The following FAM90A1 variants were observed in gnomAD, a reference collection of about 807,000 sequenced individuals.
FAM90A1 encodes the protein protein FAM90A1.
A neutral mutation model predicts 14.8 loss-of-function variants in FAM90A1; 10 were observed. That is an observed-to-expected ratio of 0.67 (90% CI 0.42 to 1.14). The LOEUF (loss-of-function observed/expected upper bound fraction) is 1.14. Among genes scored for constraint, FAM90A1 ranks in the 50% most tolerant of loss-of-function variants. FAM90A1 has a pLI of 0.00. For missense variants in FAM90A1, 567 were observed against 602.8 expected (o/e 0.94, Z 0.62); for synonymous variants, 236 against 248.4 (o/e 0.95, Z 0.47).
Position 8,221,550 on chromosome 12 carries a change from T to C in FAM90A1, c.*272A>G, listed in dbSNP as rs1219832846. 2.4e-5 allele frequency: 13 copies of C among 536,584 alleles called. No individual in the cohort carries two copies. The highest frequency in any genetic ancestry group is 1.7e-5 in the Non-Finnish European group (5 of 300,812). 33.2% of individuals were successfully genotyped at this position (536,584 alleles called of 1,614,324 possible). A position where few individuals can be genotyped will look rare whatever the true frequency, so the allele number is the denominator to read the frequency against. The stretch of plus-strand genomic sequence containing the variant: ...GTCTGACTCCTGCGCGTCATGCAGT[T>C]TCTGAGGCAACGAATCACTGGCACG... On this transcript the variant is annotated 3_prime_UTR_variant, in exon 7 of 7. Transcript: ENST00000538603.
rs1948817088 is a variant in FAM90A1, at chr12:8,221,364, G to A, written c.*458C>T. 3 of 264,688 alleles carry A rather than the reference G, an allele frequency of 1.1e-5. No individual in the cohort carries two copies. Among genetic ancestry groups the A allele is most frequent in the Admixed American group, 5.0e-5 (1 of 20,062 alleles). The allele number at this position is 264,688 out of a possible 1,614,324, so 16.4% of individuals were successfully genotyped here. A position where few individuals can be genotyped will look rare whatever the true frequency, so the allele number is the denominator to read the frequency against. On this transcript the variant is annotated 3_prime_UTR_variant, in exon 7 of 7. Coordinates refer to ENST00000538603, the MANE Select transcript of FAM90A1 (RefSeq NM_018088.3). ...GAGGCTGAGGAAAGACCCCGAGAGC[G>A]CTTTGCACAGCGCGCTTCCCAGCGT...
intron 3 of FAM90A1, among the ~76,000 whole-genome samples, chr12:8,225,350 A>G (rs1208928403): frequency 8.5e-5 from 13 of 152,218 alleles, no homozygotes. Context: ...TTGCCGTTTC[A>G]TTAGGCAACT....
In FAM90A1 at chr12:8,225,159, C is replaced by T. The variant is rs757663927; in HGVS notation, c.-56-271G>A. Among the ~76,000 whole-genome samples, 64 of 152,378 alleles carry T rather than the reference C, an allele frequency of 4.2e-4. 1 individual carries two copies. Among genetic ancestry groups the T allele is most frequent in the African/African-American group, 1.4e-3 (58 of 41,588 alleles). On this transcript the variant is annotated intron_variant, in intron 3 of 6. Coordinates refer to ENST00000538603, the MANE Select transcript of FAM90A1 (RefSeq NM_018088.3). ...TGAGCTTTCAACCCCAAACTAACAA[C>T]TGATTCTGGAGACTGGACTTAGGTC... is the stretch of plus-strand genomic sequence containing the variant.
intron 6 of FAM90A1, 90 bp downstream of exon 6, chr12:8,223,359 C>G (rs1279396947): frequency 1.3e-6 from 1 of 767,772 alleles, no homozygotes; most frequent in South Asian, 1.5e-5. Context: ...GAGGGGTTCC[C>G]CGATTCCCTC....
rs756156518 is a variant in FAM90A1 at position 8,222,068 on chromosome 12, C to T, written c.1149G>A (p.Ala383=). The T allele has an allele frequency of 6.2e-6, 10 of 1,607,104 alleles. No individual in the cohort carries two copies. In the East Asian group the frequency reaches 6.7e-5, roughly 11 times the overall value. ...AQACTMSHHP[A]ASHDGAQPLR... ...GAGGCTGGGCCCCATCATGGCTGGC[C>T]GCTGGGTGATGGGACATGGTGCAGG... The change falls in exon 7 of 7, where the codon GCG becomes GCA. Residue 383 remains alanine, a synonymous_variant. Transcript: ENST00000538603.
Position 8,227,454 on chromosome 12 carries a change from C to A in FAM90A1, c.-421+26G>T, listed in dbSNP as rs1379098187. On this transcript the variant is annotated intron_variant, in intron 1 of 6. Transcript: ENST00000538603. ...CAGAAGGCTGGGTCCACCCAGTGGG[C>A]GGTCGGGTGCCAGGCCAGTGCTTAC... The A allele has an allele frequency of 9.2e-6, 5 of 542,278 alleles. No individual in the cohort carries two copies. The South Asian group carries it at 1.1e-4, about 12-fold the overall frequency. The allele number at this position is 542,278 out of a possible 1,614,324, so 33.6% of individuals were successfully genotyped here.
Position 8,223,446 on chromosome 12 carries a change from C to T in FAM90A1, c.432+3G>A. ...AAGACCAGGGGCCCAGGGTGACCCTCACCCTCAGATAATCAGAAGATTCCG... is the reference window on the plus strand; with the variant it reads ...AAGACCAGGGGCCCAGGGTGACCCTTACCCTCAGATAATCAGAAGATTCCG... On this transcript the variant is annotated splice_donor_region_variant and intron_variant, in intron 6 of 6. Transcript: ENST00000538603. The T allele has an allele frequency of 1.3e-6, 2 of 1,594,372 alleles. No individual in the cohort carries two copies. Among genetic ancestry groups the T allele is most frequent in the Non-Finnish European group, 8.6e-7 (1 of 1,163,818 alleles).
chr12:8,222,137 G>C lies in FAM90A1; in HGVS notation c.1080C>G (p.Asp360Glu). ...AAGGTCTGCTGTGCGGAGGCTGCCGGTCGCCGCTAAGCACCTGGGCGGGTG... is the reference window on the plus strand; with the variant it reads ...AAGGTCTGCTGTGCGGAGGCTGCCGCTCGCCGCTAAGCACCTGGGCGGGTG... ...TRTPAQVLSG[D>E]RQPPHSRPCL... Residue 360 changes from aspartate (D) to glutamate (E), a missense_variant, in exon 7 of 7, where the codon GAC (aspartate) becomes GAG (glutamate). Transcript: ENST00000538603. 1.2e-6 allele frequency: 2 copies of C among 1,612,086 alleles called. No homozygotes were observed. The highest frequency in any genetic ancestry group is 1.7e-6 in the Non-Finnish European group (2 of 1,179,890).
Position 8,224,071 on chromosome 12 carries a change from CA to C in FAM90A1, c.267del (p.Glu90LysfsTer7). The C allele has an allele frequency of 1.2e-6, 2 of 1,612,102 alleles. No homozygotes were observed. The highest frequency in any genetic ancestry group is 1.7e-6 in the Non-Finnish European group (2 of 1,179,872). ...TTGTTCAAGGGCCCAGGGTTCGCTTCAACCTGGGGCTTCCATGGTTTCAGGT... is the reference window on the plus strand; with the variant it reads ...TTGTTCAAGGGCCCAGGGTTCGCTTCACCTGGGGCTTCCATGGTTTCAGGT... ...KENLKPWKPQ[V>X]EANPGPLNKD... On this transcript the variant is annotated frameshift_variant, in exon 5 of 7. Transcript: ENST00000538603. LOFTEE classifies it high-confidence loss of function.
chr12:8,221,775 C>A lies in FAM90A1; in HGVS notation c.*47G>T. The stretch of plus-strand genomic sequence containing the variant: ...GTGCTCCTCAGTCCCACAGTCCCCT[C>A]CAAGTCACGGGAGCTGGAGGCCAAG... On this transcript the variant is annotated 3_prime_UTR_variant, in exon 7 of 7. Transcript: ENST00000538603. 1 of 1,550,400 alleles carries A rather than the reference C, an allele frequency of 6.4e-7. No individual in the cohort carries two copies. The highest frequency in any genetic ancestry group is 1.1e-5 in the South Asian group (1 of 89,660).
chr12:8,225,674 A>T (rs781593194), intron 3 of FAM90A1, among the ~76,000 whole-genome samples, 162 bp downstream of exon 3: 20 of 152,172 alleles, frequency 1.3e-4, no homozygotes, highest in South Asian at 2.1e-4. Context: ...TGGAGACGGA[A>T]ATGCTTTCTC....
chr12:8,222,731 G>A lies in FAM90A1; in HGVS notation c.486C>T (p.Asp162=), dbSNP rs1295754692. The A allele has an allele frequency of 6.2e-7, 1 of 1,604,486 alleles. No homozygotes were observed. Among genetic ancestry groups the A allele is most frequent in the Non-Finnish European group, 8.5e-7 (1 of 1,179,784 alleles). ...TAGCTGAGCGATCAGAGAGGACAGG[G>A]TCCACACGCGGCCTCTTACTGGTTG... is the stretch of plus-strand genomic sequence containing the variant. ...VHTTSKRPRV[D]PVLSDRSATE... is the part of the protein sequence containing the mutation. The change falls in exon 7 of 7, where the codon GAC becomes GAT. Residue 162 remains aspartate (D), a synonymous_variant. Transcript: ENST00000538603.
chr12:8,224,053 A>G lies in FAM90A1; in HGVS notation c.286T>C (p.Leu96=), dbSNP rs760454630. Residue 96 remains leucine (L), a synonymous_variant, in exon 5 of 7, where the codon TTG becomes CTG. Coordinates refer to ENST00000538603, the MANE Select transcript of FAM90A1 (RefSeq NM_018088.3). ...TCCTTCTCTCCCTTATCCTTGTTCA[A>G]GGGCCCAGGGTTCGCTTCAACCTGG... ...KPQVEANPGP[L]NKDKGEKEER... 3 of 1,611,784 alleles carry G rather than the reference A, an allele frequency of 1.9e-6. No homozygotes were observed. Among genetic ancestry groups the G allele is most frequent in the Non-Finnish European group, 2.5e-6 (3 of 1,179,834 alleles).
intron 3 of FAM90A1, among the ~76,000 whole-genome samples, chr12:8,225,366 AC>A (rs1482445306): frequency 5.9e-5 from 9 of 152,188 alleles, no homozygotes; most frequent in Non-Finnish European, 1.2e-4. Context: ...CAACTTCCAA[AC>A]ACAAATTCAT....
In FAM90A1 at chr12:8,226,946, C is replaced by G. The variant is rs955094723; in HGVS notation, c.-420-468G>C. On this transcript the variant is annotated intron_variant, in intron 1 of 6. Coordinates refer to ENST00000538603, the MANE Select transcript of FAM90A1 (RefSeq NM_018088.3). Reference sequence around the variant, plus strand: ...TCAGCCTCCCGAGTAGCTGGGACTACAGGTGCCCACTACACCCAGCTTATT... The same window carrying G: ...TCAGCCTCCCGAGTAGCTGGGACTAGAGGTGCCCACTACACCCAGCTTATT... Among the ~76,000 whole-genome samples, 12 of 151,896 alleles carry G rather than the reference C, an allele frequency of 7.9e-5. 1 individual carries two copies. The highest frequency in any genetic ancestry group is 6.8e-3 in the Middle Eastern group (2 of 294).
chr12:8,225,599 C>T (rs937728422), intron 3 of FAM90A1, among the ~76,000 whole-genome samples: 6 of 152,132 alleles, frequency 3.9e-5, no homozygotes, highest in African/African-American at 1.4e-4. Flanking sequence ...TTTCCATTTA[C>T]CCACCAATTC....
At chr12:8,226,763 C>A (rs1270188537) in intron 1 of FAM90A1, among the ~76,000 whole-genome samples, 1 of 132,874 alleles carries the variant, frequency 7.5e-6, no homozygotes, top group Non-Finnish European at 1.6e-5. Context: ...TCAGTAGTTT[C>A]CAAGCATCTT....
At position 8,224,188 on chromosome 12, in the gene FAM90A1, C is replaced by T; in HGVS notation, c.151G>A (p.Gly51Ser). 1.2e-6 allele frequency: 2 copies of T among 1,612,000 alleles called. No individual in the cohort carries two copies. Among genetic ancestry groups the T allele is most frequent in the Non-Finnish European group, 1.7e-6 (2 of 1,179,854 alleles). Residue 51 changes from glycine (G) to serine (S), a missense_variant, in exon 5 of 7, where the codon GGC (glycine) becomes AGC (serine). Coordinates refer to ENST00000538603, the MANE Select transcript of FAM90A1 (RefSeq NM_018088.3). The part of the protein sequence containing the change: ...RLKCKNCEAF[G>S]HTARSTRCPM... ...CACCTGGTACTTCTGGCCGTGTGGC[C>T]AAAGGCCTCACAGTTTTTGCACTTG...
intron 4 of FAM90A1, among the ~76,000 whole-genome samples, chr12:8,224,497 G>C (rs1258507852): frequency 6.6e-6 from 1 of 152,246 alleles, no homozygotes; most frequent in Non-Finnish European, 1.5e-5. Flanking sequence ...AGGACTCTAA[G>C]TAGAAAGGGA....
Sources: gnomAD v4.1 joint callset for allele counts (sites outside exome capture counted in the v4.1 genomes callset) on GRCh38, gnomAD v4.1.1 for gene constraint, MANE v1.5 for transcripts, NCBI Gene and HGNC (gene_info 2026-07-23, HGNC 2026-07-21) for gene names.